Variants in JMJD1C observed in about 807,000 individuals in gnomAD.
The protein encoded by JMJD1C is jumonji domain-containing protein 1C.
Under a neutral mutation model 245.3 loss-of-function variants are expected in JMJD1C, and 31 were observed. The ratio of observed to expected loss-of-function variants is 0.13; its 90% CI spans 0.09 to 0.17. The LOEUF is 0.17. Among genes scored for constraint, JMJD1C ranks in the 10% least tolerant of loss-of-function variants. The pLI, the probability that JMJD1C is intolerant of heterozygous loss-of-function variation, is 1.00. For missense variants in JMJD1C, 2,691 were observed against 3,000.2 expected (o/e 0.90, Z 2.41); for synonymous variants, 1,057 against 1,017.4 (o/e 1.04, Z -0.74).
At chr10:63,277,727 ATTTCTTTTTTT>A (rs889141488) in intron 2 of JMJD1C, among the ~76,000 whole-genome samples, 2 of 83,166 alleles carry the variant, frequency 2.4e-5, no homozygotes, top group African/African-American at 1.1e-4. Flanking sequence ...AGTAATTTGC[ATTTCTTTTTTT>A]TTTTTTTTTT....
intron 1 of JMJD1C, among the ~76,000 whole-genome samples, chr10:63,516,024 C>A (rs986922395): frequency 2.1e-5 from 3 of 146,326 alleles, no homozygotes; most frequent in South Asian, 4.5e-4. Flanking sequence ...GAATATAATA[C>A]CTTTATCTAT....
chr10:63,505,308 G>A (rs1388148904), intron 1 of JMJD1C, among the ~76,000 whole-genome samples: 2 of 136,038 alleles, frequency 1.5e-5, no homozygotes, highest in African/African-American at 5.7e-5. Flanking sequence ...CAGTAGGAGA[G>A]TCCGTCTCAA....
rs1292791562 is a variant in JMJD1C, at chr10:63,234,385, T to C, written c.448-14402A>G. Among the ~76,000 whole-genome samples, 24 of 151,046 alleles carry C rather than the reference T, an allele frequency of 1.6e-4. 1 individual carries two copies. The highest frequency in any genetic ancestry group is 1.5e-3 in the Admixed American group (22 of 15,116). ...GGTGCATGCCTGTAGTCCCAGCTACTTGAGAGGCTGAAGTGGGAGGATTGC... is the reference window on the plus strand; with the variant it reads ...GGTGCATGCCTGTAGTCCCAGCTACCTGAGAGGCTGAAGTGGGAGGATTGC... On this transcript the variant is annotated intron_variant, in intron 3 of 25. Coordinates refer to ENST00000399262, the MANE Select transcript of JMJD1C (RefSeq NM_032776.3).
chr10:63,496,059 A>C (rs1184980258), intron 1 of JMJD1C, among the ~76,000 whole-genome samples: 1 of 151,562 alleles, frequency 6.6e-6, no homozygotes, highest in Non-Finnish European at 1.5e-5. Context: ...ATTAAAAAAA[A>C]AAAAACCTCA....
At chr10:63,235,434 T>C (rs1469395405) in intron 3 of JMJD1C, among the ~76,000 whole-genome samples, 1 of 151,954 alleles carries the variant, frequency 6.6e-6, no homozygotes, top group Non-Finnish European at 1.5e-5. Context: ...GAGGCAGAGG[T>C]TGCAGTGAGC....
intron 3 of JMJD1C, among the ~76,000 whole-genome samples, chr10:63,234,620 T>C (rs1850491529): frequency 6.7e-6 from 1 of 149,888 alleles, no homozygotes; most frequent in Non-Finnish European, 1.5e-5. Flanking sequence ...TAAAGGCCTA[T>C]AAAAAGAACG....
intron 16 of JMJD1C, 59 bp downstream of exon 16, chr10:63,192,879 T>C (rs1845003314): frequency 4.9e-6 from 6 of 1,229,070 alleles, no homozygotes; most frequent in Non-Finnish European, 7.2e-6. Context: ...CAATAGTACA[T>C]TGTTGGTTAG....
chr10:63,385,157 G>C (rs959678046), intron 1 of JMJD1C, among the ~76,000 whole-genome samples: 1 of 152,086 alleles, frequency 6.6e-6, no homozygotes, highest in Non-Finnish European at 1.5e-5. Context: ...AACACACATA[G>C]TGTTCTGGAT....
rs529489970 is a variant in JMJD1C, at chr10:63,186,892, T to C, written c.6571-509A>G. On this transcript the variant is annotated intron_variant, in intron 18 of 25. Coordinates refer to ENST00000399262, the MANE Select transcript of JMJD1C (RefSeq NM_032776.3). ...CAGTAAGCTATGACTTAAAAGTTTCTGAAAAATGATATTTACTAGGCTGGG... is the reference window on the plus strand; with the variant it reads ...CAGTAAGCTATGACTTAAAAGTTTCCGAAAAATGATATTTACTAGGCTGGG... 5.3e-5 allele frequency among the ~76,000 whole-genome samples: 8 copies of C among 152,308 alleles called. No homozygotes were observed. The South Asian group carries it at 1.4e-3, about 28-fold the overall frequency.
At chr10:63,325,838 T>A (rs1941433872) in intron 2 of JMJD1C, among the ~76,000 whole-genome samples, 1 of 152,186 alleles carries the variant, frequency 6.6e-6, no homozygotes, top group African/African-American at 2.4e-5. Context: ...TATTTCCAAC[T>A]TTTTAGGGAT....
At chr10:63,217,126 T>G (rs68053125) in intron 5 of JMJD1C, 81 bp downstream of exon 5, 73,241 of 1,247,390 alleles carry the variant, frequency 0.059, 6,509 homozygotes, top group African/African-American at 0.4. Flanking sequence ...TTATTTAGTA[T>G]CAAATTGTTG....
chr10:63,292,899 C>T (rs1244647232), intron 2 of JMJD1C, among the ~76,000 whole-genome samples: 2 of 152,040 alleles, frequency 1.3e-5, no homozygotes, highest in African/African-American at 4.8e-5. Context: ...CAAAACTTAG[C>T]TGGGCGTGGT....
chr10:63,173,494 G>C (rs1842585696), intron 24 of JMJD1C, among the ~76,000 whole-genome samples: 1 of 152,210 alleles, frequency 6.6e-6, no homozygotes, highest in African/African-American at 2.4e-5. Context: ...GGCCAAGGCA[G>C]GAAGATTGCC....
At position 63,176,449 on chromosome 10, in the gene JMJD1C, C is replaced by A; in HGVS notation, c.7249G>T (p.Val2417Phe). 6.2e-7 allele frequency: 1 copy of A among 1,613,240 alleles called. No homozygotes were observed. The highest frequency in any genetic ancestry group is 8.5e-7 in the Non-Finnish European group (1 of 1,179,582). The change falls in exon 24 of 26, where the codon GTT becomes TTT. Residue 2417 changes from valine (V) to phenylalanine (F), a missense_variant. Val to Phe is a conservative substitution (Grantham distance 50). This residue lies in a region of JMJD1C where 232 missense variants were observed against 416.1 expected (regional missense o/e 0.56). Transcript: ENST00000399262. ...CGTATTGGATCATGTTCTGGTAGAACTTCAAGGCCTTGTTCTTTTGAAATC... is the reference window on the plus strand; with the variant it reads ...CGTATTGGATCATGTTCTGGTAGAAATTCAAGGCCTTGTTCTTTTGAAATC... ...QKISKEQGLE[V>F]LPEHDPIRDQ...
chr10:63,223,322 A>G (rs1848849948), intron 3 of JMJD1C, among the ~76,000 whole-genome samples: 1 of 151,044 alleles, frequency 6.6e-6, no homozygotes, highest in African/African-American at 2.4e-5. Context: ...TCGCCTCCCA[A>G]GTTCAAGCGA....
chr10:63,465,866 G>C lies in JMJD1C; in HGVS notation c.-204C>G, dbSNP rs1490194246. The C allele has an allele frequency of 4.3e-6, 3 of 690,822 alleles. No individual in the cohort carries two copies. Among genetic ancestry groups the C allele is most frequent in the Admixed American group, 4.2e-5 (2 of 48,114 alleles). The allele number at this position is 690,822 out of a possible 1,614,324, so 42.8% of individuals were successfully genotyped here. A position where few individuals can be genotyped will look rare whatever the true frequency, so the allele number is the denominator to read the frequency against. On this transcript the variant is annotated 5_prime_UTR_variant, in exon 1 of 26. The change creates a new upstream start codon in the 5' untranslated region. Transcript: ENST00000399262. ...CCGCAAACACTCCTTTGGACTCCCA[G>C]ATTCGCAGCCTTGTGCTGCAGCGCC...
At position 63,295,512 on chromosome 10, in the gene JMJD1C, T is replaced by G. The variant is rs373358671; in HGVS notation, c.334-30748A>C. Among the ~76,000 whole-genome samples, 9 of 152,136 alleles carry G rather than the reference T, an allele frequency of 5.9e-5. No individual in the cohort carries two copies. The East Asian group carries it at 1.2e-3, about 20-fold the overall frequency. On this transcript the variant is annotated intron_variant, in intron 2 of 25. Transcript: ENST00000399262. ...TCATTGGCTGCTTTCTTGCTATGAT[T>G]CTATATAGGCTCACCAGAGAACCTG...
intron 1 of JMJD1C, among the ~76,000 whole-genome samples, chr10:63,392,864 A>G (rs1395338117): frequency 1.9e-5 from 2 of 103,494 alleles, no homozygotes; most frequent in African/African-American, 3.9e-5. Flanking sequence ...AAAAAAGTAC[A>G]TAAACACACA....
intron 12 of JMJD1C, 131 bp from the exon 13 acceptor site, chr10:63,197,694 C>G: frequency 1.5e-6 from 1 of 655,852 alleles, no homozygotes; most frequent in Non-Finnish European, 2.4e-6. Context: ...AACTGAAGAC[C>G]AATAGCTTTC....
Sources: gnomAD v4.1 joint callset for allele counts (sites outside exome capture counted in the v4.1 genomes callset) on GRCh38, gnomAD v4.1.1 for gene constraint, gnomAD v4.1.1 regional missense constraint, MANE v1.5 for transcripts, NCBI Gene and HGNC (gene_info 2026-07-23, HGNC 2026-07-21) for gene names.